The following SPIDR variants were observed in gnomAD, a reference collection of about 807,000 sequenced individuals.
The protein encoded by SPIDR is scaffold protein involved in DNA repair.
Under a neutral mutation model 104.6 loss-of-function variants are expected in SPIDR, and 93 were observed. That is an observed-to-expected ratio of 0.89 (90% CI 0.75 to 1.06). The LOEUF is 1.06. Among genes scored for constraint, SPIDR ranks in the 50% least tolerant of loss-of-function variants. The probability of loss-of-function intolerance (pLI) is 0.00; values close to 1 mark genes in which losing one functional copy is unlikely to be tolerated. For missense variants in SPIDR, 1,154 were observed against 1,111.2 expected (o/e 1.04, Z -0.55); for synonymous variants, 431 against 416.9 (o/e 1.03, Z -0.41).
At chr8:47,667,519 G>A (rs1396790367) in intron 10 of SPIDR, among the ~76,000 whole-genome samples, 2 of 150,184 alleles carry the variant, frequency 1.3e-5, no homozygotes, top group Non-Finnish European at 3.0e-5. Context: ...GGCTGAAGTA[G>A]GATAGCTTGA....
intron 8 of SPIDR, among the ~76,000 whole-genome samples, chr8:47,444,629 T>C (rs1554700049): frequency 6.6e-6 from 1 of 152,234 alleles, no homozygotes; most frequent in Non-Finnish European, 1.5e-5. Flanking sequence ...AAACACTGCT[T>C]GGGTGAAATA....
chr8:47,370,822 A>C (rs1554638315), intron 5 of SPIDR, among the ~76,000 whole-genome samples: 1 of 152,136 alleles, frequency 6.6e-6, no homozygotes, highest in African/African-American at 2.4e-5. Context: ...TGAATATGAA[A>C]AAAAAATTTT....
intron 6 of SPIDR, among the ~76,000 whole-genome samples, chr8:47,402,446 A>G (rs914764636): frequency 2.0e-5 from 3 of 152,236 alleles, no homozygotes; most frequent in Admixed American, 6.5e-5. Context: ...CGAAATTGAT[A>G]GACTGCTAGC....
At chr8:47,546,255 AT>A (rs1308180885) in intron 8 of SPIDR, among the ~76,000 whole-genome samples, 1 of 152,136 alleles carries the variant, frequency 6.6e-6, no homozygotes, top group African/African-American at 2.4e-5. Flanking sequence ...TGTTTGGGAA[AT>A]TTTGAAATCA....
At chr8:47,555,646 G>A (rs570970382) in intron 8 of SPIDR, among the ~76,000 whole-genome samples, 1 of 152,174 alleles carries the variant, frequency 6.6e-6, no homozygotes, top group African/African-American at 2.4e-5. Flanking sequence ...AGCTAGGAGT[G>A]GGGTATGTGT....
chr8:47,403,192 A>G (rs1554664619), intron 6 of SPIDR, among the ~76,000 whole-genome samples: 1 of 152,252 alleles, frequency 6.6e-6, no homozygotes, highest in African/African-American at 2.4e-5. Context: ...TTAGGTATAT[A>G]TCGGACATAT....
intron 8 of SPIDR, among the ~76,000 whole-genome samples, chr8:47,525,773 C>CAAAAA (rs748970837): frequency 9.2e-6 from 1 of 109,036 alleles, no homozygotes. Flanking sequence ...GACCCTGCCT[C>CAAAAA]AAAAAAAAAA....
At chr8:47,635,727 TA>T (rs922836097) in intron 10 of SPIDR, among the ~76,000 whole-genome samples, 12 of 149,158 alleles carry the variant, frequency 8.0e-5, no homozygotes, top group African/African-American at 1.5e-4. Flanking sequence ...ACCCTGTCTC[TA>T]AAAAAAAAAT....
chr8:47,434,987 T>C (rs1554691321), intron 7 of SPIDR, among the ~76,000 whole-genome samples: 1 of 152,066 alleles, frequency 6.6e-6, no homozygotes. Context: ...TTTTTTCTTT[T>C]TTTTGAGAGA....
At chr8:47,468,638 T>G (rs1031668284) in intron 8 of SPIDR, among the ~76,000 whole-genome samples, 2 of 152,230 alleles carry the variant, frequency 1.3e-5, no homozygotes, top group African/African-American at 4.8e-5. Flanking sequence ...TTGGGATAGC[T>G]GGCTAGCCAC....
chr8:47,627,456 AT>A (rs1356227740), intron 10 of SPIDR, among the ~76,000 whole-genome samples: 7 of 152,272 alleles, frequency 4.6e-5, no homozygotes, highest in Admixed American at 3.9e-4. Context: ...CACAAAAAAA[AT>A]GTTTCCCTTT....
intron 11 of SPIDR, among the ~76,000 whole-genome samples, chr8:47,685,820 G>C (rs1181318928): frequency 6.6e-6 from 1 of 151,562 alleles, no homozygotes. Flanking sequence ...CCAAAGTGCT[G>C]GGATTACAGG....
chr8:47,575,642 G>A (rs1230816110), intron 8 of SPIDR, among the ~76,000 whole-genome samples: 8 of 81,106 alleles, frequency 9.9e-5, no homozygotes, highest in Non-Finnish European at 1.4e-4. Context: ...GAGAGACTCC[G>A]TCTCAAAAAA....
chr8:47,702,918 C>A (rs2080520765), intron 14 of SPIDR, among the ~76,000 whole-genome samples: 1 of 152,198 alleles, frequency 6.6e-6, no homozygotes, highest in African/African-American at 2.4e-5. Context: ...GCCCAGCAAG[C>A]AGTCTCAAGG....
At chr8:47,484,423 C>A (rs1290190653) in intron 8 of SPIDR, among the ~76,000 whole-genome samples, 1 of 152,222 alleles carries the variant, frequency 6.6e-6, no homozygotes, top group Non-Finnish European at 1.5e-5. Context: ...GCCAGGTCCT[C>A]CTCCTGAGGT....
At chr8:47,635,746 G>C (rs1031554484) in intron 10 of SPIDR, among the ~76,000 whole-genome samples, 1 of 152,022 alleles carries the variant, frequency 6.6e-6, no homozygotes, top group Admixed American at 6.6e-5. Context: ...AATTAAAAAA[G>C]AACAGATTAC....
chr8:47,336,608 A>G (rs538480933), intron 5 of SPIDR, among the ~76,000 whole-genome samples: 50 of 152,316 alleles, frequency 3.3e-4, no homozygotes, highest in Admixed American at 2.8e-3. Context: ...CAGTTCTTTG[A>G]TATTTTTTGA....
At chr8:47,526,608 C>G (rs2085024877) in intron 8 of SPIDR, among the ~76,000 whole-genome samples, 1 of 152,140 alleles carries the variant, frequency 6.6e-6, no homozygotes, top group Non-Finnish European at 1.5e-5. Flanking sequence ...AGAAATGAAA[C>G]CGTTCAGGAG....
intron 10 of SPIDR, among the ~76,000 whole-genome samples, chr8:47,637,068 T>A (rs1450660289): frequency 1.3e-5 from 2 of 152,214 alleles, no homozygotes; most frequent in African/African-American, 2.4e-5. Context: ...CACATAGATG[T>A]GATTTTTTAA....
Sources: allele counts gnomAD v4.1 joint callset (sites outside exome capture counted in the v4.1 genomes callset), GRCh38; gene constraint gnomAD v4.1.1; transcripts MANE v1.5; gene names NCBI Gene and HGNC (gene_info 2026-07-23, HGNC 2026-07-21).